Variants in KCND2 observed in about 807,000 individuals in gnomAD.
KCND2 encodes the protein A-type voltage-gated potassium channel KCND2.
Under a neutral mutation model 54.4 loss-of-function variants are expected in KCND2, and 16 were observed. The observed-to-expected ratio is 0.29, with a 90% confidence interval of 0.20 to 0.45. KCND2 has a LOEUF of 0.45. Among genes scored for constraint, KCND2 ranks in the 20% least tolerant of loss-of-function variants. The pLI, the probability that KCND2 is intolerant of heterozygous loss-of-function variation, is 1.00. For missense variants in KCND2, 486 were observed against 824.2 expected, an observed-to-expected ratio of 0.59 and a Z score of 5.02; for synonymous variants, 317 against 310.7, an observed-to-expected ratio of 1.02 and a Z score of -0.21.
chr7:120,665,194 A>G (rs563621855), intron 1 of KCND2, among the ~76,000 whole-genome samples: 1 of 152,212 alleles, frequency 6.6e-6, no homozygotes, highest in African/African-American at 2.4e-5. Context: ...GGAAGTAAAT[A>G]ACTGTTGTGT....
At chr7:120,632,814 T>G (rs531610546) in intron 1 of KCND2, among the ~76,000 whole-genome samples, 55 of 152,246 alleles carry the variant, frequency 3.6e-4, no homozygotes, top group African/African-American at 1.3e-3. Context: ...CTCTGTTACC[T>G]TCAGAGGTAG....
chr7:120,604,854 G>T (rs931336260), intron 1 of KCND2, among the ~76,000 whole-genome samples: 20 of 151,922 alleles, frequency 1.3e-4, no homozygotes, highest in Non-Finnish European at 2.1e-4. Context: ...AATCATTCTG[G>T]TATACCTTTG....
intron 1 of KCND2, among the ~76,000 whole-genome samples, chr7:120,355,420 G>T (rs762880951): frequency 6.6e-6 from 1 of 152,092 alleles, no homozygotes; most frequent in Admixed American, 6.5e-5. Flanking sequence ...GCTGGTGTGT[G>T]CCTGTAGTCT....
intron 1 of KCND2, among the ~76,000 whole-genome samples, chr7:120,720,900 C>T (rs80227355): frequency 0.019 from 2,964 of 152,244 alleles, 32 homozygotes; most frequent in African/African-American, 0.027. Context: ...AAGTAAGGTA[C>T]TCTGCTCACA....
At chr7:120,339,686 C>A (rs536572221) in intron 1 of KCND2, among the ~76,000 whole-genome samples, 5 of 152,136 alleles carry the variant, frequency 3.3e-5, no homozygotes, top group African/African-American at 1.2e-4. Context: ...CACACACGTG[C>A]GCACATAGAC....
At chr7:120,400,357 C>T (rs1433320120) in intron 1 of KCND2, among the ~76,000 whole-genome samples, 1 of 152,060 alleles carries the variant, frequency 6.6e-6, no homozygotes, top group Non-Finnish European at 1.5e-5. Context: ...AGCAAACAAC[C>T]ATACTCCAAT....
rs557930611 is a variant in KCND2 at position 120,274,065 on chromosome 7, G to C, written c.-568G>C. 6.3e-6 allele frequency: 1 copy of C among 158,606 alleles called. No homozygotes were observed. The highest frequency in any genetic ancestry group is 1.9e-4 in the East Asian group (1 of 5,304). 9.8% of individuals were successfully genotyped at this position (158,606 alleles called of 1,614,324 possible). On this transcript the variant is annotated 5_prime_UTR_variant, in exon 1 of 6. Transcript: ENST00000331113. ...GCTGGACCCCCAAAGAGAGACGTGG[G>C]GCAGCGGCTGTGACCGCATCTCCTG...
chr7:120,635,927 A>C (rs1445587276), intron 1 of KCND2, among the ~76,000 whole-genome samples: 1 of 152,172 alleles, frequency 6.6e-6, no homozygotes, highest in Non-Finnish European at 1.5e-5. Context: ...GAAGATTTCA[A>C]ATGATGAATA....
intron 1 of KCND2, among the ~76,000 whole-genome samples, chr7:120,302,440 T>G (rs1467670849): frequency 6.6e-6 from 1 of 152,048 alleles, no homozygotes; most frequent in Non-Finnish European, 1.5e-5. Context: ...CTCTGTATTT[T>G]TTGACGGGGA....
At chr7:120,687,438 T>G (rs1158576189) in intron 1 of KCND2, among the ~76,000 whole-genome samples, 1 of 152,180 alleles carries the variant, frequency 6.6e-6, no homozygotes, top group Non-Finnish European at 1.5e-5. Flanking sequence ...ATTAACACAA[T>G]TTTAAAAATT....
At chr7:120,366,499 A>T (rs1409270905) in intron 1 of KCND2, among the ~76,000 whole-genome samples, 1 of 150,638 alleles carries the variant, frequency 6.6e-6, no homozygotes, top group Non-Finnish European at 1.5e-5. Flanking sequence ...AAAAAAAAAA[A>T]AGGGAGGGAG....
chr7:120,290,505 G>C (rs887296713), intron 1 of KCND2, among the ~76,000 whole-genome samples: 1 of 151,866 alleles, frequency 6.6e-6, no homozygotes, highest in Non-Finnish European at 1.5e-5. Flanking sequence ...TTGGCTCGTA[G>C]TTATACATAT....
intron 1 of KCND2, among the ~76,000 whole-genome samples, chr7:120,505,768 A>G (rs1803006255): frequency 6.6e-6 from 1 of 151,748 alleles, no homozygotes; most frequent in East Asian, 1.9e-4. Flanking sequence ...TAAATAAGAA[A>G]AAAGTACTAT....
intron 1 of KCND2, among the ~76,000 whole-genome samples, chr7:120,523,056 G>A (rs1791719481): frequency 6.6e-6 from 1 of 152,104 alleles, no homozygotes; most frequent in Non-Finnish European, 1.5e-5. Context: ...GATGAGGTGG[G>A]CAAGTGTTTC....
At chr7:120,287,683 T>C (rs75097406) in intron 1 of KCND2, among the ~76,000 whole-genome samples, 4,307 of 152,034 alleles carry the variant, frequency 0.028, 98 homozygotes, top group Non-Finnish European at 0.047. Flanking sequence ...TGAAATACTG[T>C]CTCTACTAAA....
intron 1 of KCND2, among the ~76,000 whole-genome samples, chr7:120,558,237 A>G (rs935460990): frequency 2.0e-5 from 3 of 152,172 alleles, no homozygotes; most frequent in Non-Finnish European, 2.9e-5. Flanking sequence ...GTTTTATTTC[A>G]GGCTTAAATA....
At chr7:120,335,370 A>G in intron 1 of KCND2, among the ~76,000 whole-genome samples, 1 of 150,606 alleles carries the variant, frequency 6.6e-6, no homozygotes, top group Non-Finnish European at 1.5e-5. Flanking sequence ...AAAAAAAAAA[A>G]AAAAAAGAAG....
At chr7:120,732,703 A>G (rs1450017573) in intron 1 of KCND2, among the ~76,000 whole-genome samples, 200 bp from the exon 2 acceptor site, 1 of 152,156 alleles carries the variant, frequency 6.6e-6, no homozygotes, top group Admixed American at 6.6e-5. Context: ...ATCACTTTCT[A>G]TAAGGTTGAA....
At chr7:120,337,737 A>G (rs1241363242) in intron 1 of KCND2, among the ~76,000 whole-genome samples, 1 of 152,236 alleles carries the variant, frequency 6.6e-6, no homozygotes, top group Non-Finnish European at 1.5e-5. Context: ...CAAAAGGAAG[A>G]AAGATAATAA....
Sources: gnomAD v4.1 joint callset for allele counts (sites outside exome capture counted in the v4.1 genomes callset) on GRCh38, gnomAD v4.1.1 for gene constraint, MANE v1.5 for transcripts, NCBI Gene and HGNC (gene_info 2026-07-23, HGNC 2026-07-21) for gene names.